SUGCT: variants seen among roughly 807,000 people sequenced by gnomAD.
The protein encoded by SUGCT is succinyl-CoA:glutarate CoA-transferase.
Under a neutral mutation model 55.0 loss-of-function variants are expected in SUGCT, and 41 were observed. That is an observed-to-expected ratio of 0.74 (90% CI 0.58 to 0.97). The LOEUF (loss-of-function observed/expected upper bound fraction) is 0.97, where lower values mean the gene tolerates loss of function less well. SUGCT is among the 50% of genes least tolerant of loss of function. The probability of loss-of-function intolerance (pLI) is 0.00; values close to 1 mark genes in which losing one functional copy is unlikely to be tolerated. For missense variants in SUGCT, 568 were observed against 547.8 expected (o/e 1.04, Z -0.37); for synonymous variants, 187 against 200.4 (o/e 0.93, Z 0.56).
intron 9 of SUGCT, among the ~76,000 whole-genome samples, chr7:40,346,663 A>G (rs994526691): frequency 2.0e-5 from 3 of 152,186 alleles, no homozygotes; most frequent in Non-Finnish European, 4.4e-5. Flanking sequence ...TACGAGCTAT[A>G]TGTGTCCCCC....
chr7:40,268,610 TA>T, intron 7 of SUGCT, among the ~76,000 whole-genome samples: 1 of 152,304 alleles, frequency 6.6e-6, no homozygotes, highest in Non-Finnish European at 1.5e-5. Flanking sequence ...AATTTGTGTC[TA>T]AGCTTTTTGT....
chr7:40,312,932 G>A (rs1037145105), intron 8 of SUGCT, among the ~76,000 whole-genome samples: 6 of 152,172 alleles, frequency 3.9e-5, no homozygotes, highest in Admixed American at 2.6e-4. Flanking sequence ...TCCTTTTGGA[G>A]ATGAAAGATT....
chr7:40,838,372 G>A (rs979130406), intron 13 of SUGCT, among the ~76,000 whole-genome samples: 4 of 152,104 alleles, frequency 2.6e-5, no homozygotes, highest in African/African-American at 9.7e-5. Context: ...TCTTTAATAT[G>A]TTGTATTTTC....
intron 12 of SUGCT, among the ~76,000 whole-genome samples, chr7:40,699,498 G>T (rs777581677): frequency 2.0e-5 from 3 of 152,212 alleles, no homozygotes; most frequent in African/African-American, 7.2e-5. Flanking sequence ...GAGTCTCCCC[G>T]TGTCCTGCAG....
At chr7:40,174,508 C>T (rs2150687948) in intron 1 of SUGCT, among the ~76,000 whole-genome samples, 1 of 152,314 alleles carries the variant, frequency 6.6e-6, no homozygotes, top group South Asian at 2.1e-4. Flanking sequence ...TGCAGTGGCT[C>T]ATGCCTGTAG....
At chr7:40,297,960 T>C (rs1794268263) in intron 8 of SUGCT, among the ~76,000 whole-genome samples, 1 of 152,124 alleles carries the variant, frequency 6.6e-6, no homozygotes. Flanking sequence ...TTCTGTTTTT[T>C]AAACATAGCC....
intron 13 of SUGCT, among the ~76,000 whole-genome samples, chr7:40,844,132 A>G (rs1025437400): frequency 1.3e-5 from 2 of 152,066 alleles, no homozygotes; most frequent in Non-Finnish European, 2.9e-5. Flanking sequence ...ATGCTTTTTT[A>G]GCTCTGCTGT....
chr7:40,824,477 A>C (rs1267793382), intron 13 of SUGCT, among the ~76,000 whole-genome samples: 3 of 152,186 alleles, frequency 2.0e-5, no homozygotes, highest in African/African-American at 7.2e-5. Flanking sequence ...AATGATGGCT[A>C]TGGTTGAGGT....
intron 6 of SUGCT, among the ~76,000 whole-genome samples, chr7:40,213,554 C>T (rs972941751): frequency 4.6e-5 from 7 of 152,168 alleles, no homozygotes; most frequent in Non-Finnish European, 8.8e-5. Flanking sequence ...AAATTTACTA[C>T]CCTTCCTTTT....
chr7:40,143,970 A>G (rs1788117855), intron 1 of SUGCT, among the ~76,000 whole-genome samples: 1 of 152,236 alleles, frequency 6.6e-6, no homozygotes, highest in Non-Finnish European at 1.5e-5. Context: ...CTGTCCCTCT[A>G]GTAAAATGAA....
At chr7:40,251,072 A>G (rs1328180487) in intron 7 of SUGCT, among the ~76,000 whole-genome samples, 1 of 151,852 alleles carries the variant, frequency 6.6e-6, no homozygotes, top group Non-Finnish European at 1.5e-5. Context: ...CTTGTGATCC[A>G]TCCACCCCGG....
At chr7:40,574,812 A>G (rs1467674185) in intron 12 of SUGCT, among the ~76,000 whole-genome samples, 7 of 152,192 alleles carry the variant, frequency 4.6e-5, no homozygotes, top group East Asian at 1.9e-4. Flanking sequence ...ATCAAGTACT[A>G]TGTTACAAAT....
At chr7:40,685,374 A>G (rs1048500576) in intron 12 of SUGCT, among the ~76,000 whole-genome samples, 1 of 152,166 alleles carries the variant, frequency 6.6e-6, no homozygotes, top group African/African-American at 2.4e-5. Flanking sequence ...TTAATTCTCT[A>G]TAGACGTTGC....
At chr7:40,167,865 G>T (rs73131710) in intron 1 of SUGCT, among the ~76,000 whole-genome samples, 3,053 of 152,266 alleles carry the variant, frequency 0.02, 42 homozygotes, top group Middle Eastern at 0.082. Flanking sequence ...CTCAGTTTGA[G>T]CTATAAAAAT....
chr7:40,434,554 A>C (rs1387575874), intron 9 of SUGCT, among the ~76,000 whole-genome samples: 1 of 152,176 alleles, frequency 6.6e-6, no homozygotes, highest in African/African-American at 2.4e-5. Flanking sequence ...TCTAATTATT[A>C]GTTTCCCAAG....
At chr7:40,391,542 A>C (rs1355071179) in intron 9 of SUGCT, among the ~76,000 whole-genome samples, 1 of 152,258 alleles carries the variant, frequency 6.6e-6, no homozygotes, top group Non-Finnish European at 1.5e-5. Flanking sequence ...AATGCTCAGC[A>C]TCACTGGTCA....
At chr7:40,517,245 T>C (rs1460197665) in intron 12 of SUGCT, among the ~76,000 whole-genome samples, 1 of 151,458 alleles carries the variant, frequency 6.6e-6, no homozygotes, top group Non-Finnish European at 1.5e-5. Flanking sequence ...TTTTTCGATG[T>C]GAATTCCTTA....
At chr7:40,975,770 AGG>A in the SUGCT span, among the ~76,000 whole-genome samples, 3 of 152,354 alleles carry the variant, frequency 2.0e-5, no homozygotes, top group Non-Finnish European at 4.4e-5. Context: ...GGAGAGAGGA[AGG>A]CAAGGAAGAA....
chr7:40,919,185 C>T, the SUGCT span, among the ~76,000 whole-genome samples: 1 of 152,160 alleles, frequency 6.6e-6, no homozygotes, highest in Non-Finnish European at 1.5e-5. Flanking sequence ...TTTCTGTAGC[C>T]CTGACCTCTC....
Sources: gnomAD v4.1 joint callset for allele counts (sites outside exome capture counted in the v4.1 genomes callset) on GRCh38, gnomAD v4.1.1 for gene constraint, MANE v1.5 for transcripts, NCBI Gene and HGNC (gene_info 2026-07-23, HGNC 2026-07-21) for gene names.